Variants in TMEM126A observed in about 807,000 individuals in gnomAD.
TMEM126A encodes transmembrane protein 126A.
In TMEM126A, 10 loss-of-function variants were observed where a neutral mutation model predicts 18.3. That is an observed-to-expected ratio of 0.55 (90% CI 0.34 to 0.93). The LOEUF is 0.93. TMEM126A is among the 40% of genes least tolerant of loss of function. The pLI is 0.02. For missense variants in TMEM126A, 246 were observed against 230.2 expected, an observed-to-expected ratio of 1.07 and a Z score of -0.44; for synonymous variants, 68 against 78.1, an observed-to-expected ratio of 0.87 and a Z score of 0.68.
At position 85,650,237 on chromosome 11, in the gene TMEM126A, ATGT is replaced by A; in HGVS notation, c.-7-10_-7-8del. The A allele has an allele frequency of 6.7e-7, 1 of 1,494,842 alleles. No individual in the cohort carries two copies. Among genetic ancestry groups the A allele is most frequent in the Non-Finnish European group, 9.3e-7 (1 of 1,077,666 alleles). 92.6% of individuals were successfully genotyped at this position (1,494,842 alleles called of 1,614,324 possible). A position where few individuals can be genotyped will look rare whatever the true frequency, so the allele number is the denominator to read the frequency against. ...TAAATTCTTGAGAAATGATATCTTCATGTTTTTTAAGGCTCAAAATGGAAAATC... is the reference window on the plus strand; with the variant it reads ...TAAATTCTTGAGAAATGATATCTTCATTTTTAAGGCTCAAAATGGAAAATC... On this transcript the variant is annotated splice_polypyrimidine_tract_variant and intron_variant, in intron 1 of 4. Transcript: ENST00000304511.
At chr11:85,653,024 T>C (rs1591464399) in intron 2 of TMEM126A, among the ~76,000 whole-genome samples, 1 of 152,186 alleles carries the variant, frequency 6.6e-6, no homozygotes, top group Non-Finnish European at 1.5e-5. Flanking sequence ...CTAATTATAA[T>C]CTATGTACTC....
chr11:85,654,255 A>G lies in TMEM126A; in HGVS notation c.279A>G (p.Thr93=), dbSNP rs780975544. Residue 93 remains threonine, a splice_region_variant and synonymous_variant, in exon 3 of 5, where the codon ACA becomes ACG. Coordinates refer to ENST00000304511, the MANE Select transcript of TMEM126A (RefSeq NM_032273.4). Reference sequence around the variant, plus strand: ...GTTTTGTAAGTTTTCCTTTGAATACAGGTAAATTCTACTTCACTATCACCA... The same window carrying G: ...GTTTTGTAAGTTTTCCTTTGAATACGGGTAAATTCTACTTCACTATCACCA... ...YRCFVSFPLN[T]GDLDCETCTI... is the part of the protein sequence containing the mutation. The G allele has an allele frequency of 1.2e-6, 2 of 1,613,966 alleles. No homozygotes were observed. Among genetic ancestry groups the G allele is most frequent in the Non-Finnish European group, 1.7e-6 (2 of 1,179,946 alleles).
At chr11:85,652,094 G>A (rs1265211808) in intron 2 of TMEM126A, among the ~76,000 whole-genome samples, 2 of 152,216 alleles carry the variant, frequency 1.3e-5, no homozygotes, top group Non-Finnish European at 2.9e-5. Context: ...AACCTGGGAG[G>A]CGGATGTTGC....
At chr11:85,655,504 C>T (rs530672208) in intron 3 of TMEM126A, 90 bp from the exon 4 acceptor site, 2 of 953,478 alleles carry the variant, frequency 2.1e-6, no homozygotes, top group African/African-American at 3.2e-5. Flanking sequence ...TGAAAAATAC[C>T]TGTGATACAC....
intron 4 of TMEM126A, 113 bp from the exon 5 acceptor site, chr11:85,656,191 CCTTTA>C (rs1322836411): frequency 2.0e-5 from 18 of 907,808 alleles, no homozygotes; most frequent in Non-Finnish European, 2.4e-5. Context: ...ACACTGAAGA[CCTTTA>C]CTTTAATATT....
At chr11:85,656,267 C>G (rs753654663) in intron 4 of TMEM126A, 42 bp from the exon 5 acceptor site, 1 of 1,572,962 alleles carries the variant, frequency 6.4e-7, no homozygotes, top group Non-Finnish European at 8.7e-7. Flanking sequence ...CCATTTGATG[C>G]AACAATCTTT....
chr11:85,654,109 C>T lies in TMEM126A; in HGVS notation c.133C>T (p.Leu45Phe), dbSNP rs201578186. Residue 45 changes from leucine to phenylalanine, a missense_variant, in exon 3 of 5, where the codon CTT (leucine) becomes TTT (phenylalanine). Coordinates refer to ENST00000304511, the MANE Select transcript of TMEM126A (RefSeq NM_032273.4). ...GSVYVGLNAA[L>F]CGLIANSLFR... ...GGTTTATGTTGGATTAAATGCTGCTCTTTGTGGCCTCATAGCAAACAGTCT... is the reference window on the plus strand; with the variant it reads ...GGTTTATGTTGGATTAAATGCTGCTTTTTGTGGCCTCATAGCAAACAGTCT... The T allele has an allele frequency of 4.3e-5, 70 of 1,614,066 alleles. No individual in the cohort carries two copies. The South Asian group carries it at 7.5e-4, about 17-fold the overall frequency.
In TMEM126A at chr11:85,654,237, A is replaced by C. The variant is rs777641763; in HGVS notation, c.261A>C (p.Val87=). 1.9e-6 allele frequency: 3 copies of C among 1,614,040 alleles called. No homozygotes were observed. In the African/African-American group the frequency reaches 4.0e-5, roughly 22 times the overall value. The change falls in exon 3 of 5, where the codon GTA becomes GTC. Residue 87 remains valine, a synonymous_variant. Transcript: ENST00000304511. ...LTTDLTYRCF[V]SFPLNTGDLD... ...CAGACTTAACTTACAGATGTTTTGT[A>C]AGTTTTCCTTTGAATACAGGTAAAT... is the stretch of plus-strand genomic sequence containing the variant.
chr11:85,648,563 A>G (rs1310582473), intron 1 of TMEM126A, among the ~76,000 whole-genome samples: 4 of 152,228 alleles, frequency 2.6e-5, no homozygotes, highest in East Asian at 1.9e-4. Context: ...CTTATACTGA[A>G]TTGAGTGACT....
chr11:85,652,886 C>T (rs918926291), intron 2 of TMEM126A, among the ~76,000 whole-genome samples: 10 of 151,762 alleles, frequency 6.6e-5, no homozygotes, highest in African/African-American at 2.4e-4. Context: ...ATACATTTCA[C>T]ATGATTTTTA....
chr11:85,651,129 A>G (rs747621906), intron 2 of TMEM126A, among the ~76,000 whole-genome samples: 8 of 152,026 alleles, frequency 5.3e-5, no homozygotes, highest in Non-Finnish European at 1.2e-4. Context: ...GAACATACTA[A>G]TCTTTGCCAG....
Position 85,655,195 on chromosome 11 carries a change from C to T in TMEM126A, c.281-399C>T, listed in dbSNP as rs867731997. 5.3e-5 allele frequency among the ~76,000 whole-genome samples: 8 copies of T among 152,132 alleles called. No individual in the cohort carries two copies. In the South Asian group the frequency reaches 1.0e-3, roughly 20 times the overall value. ...CTGCTCCAAATTTGTTTAAATTTGA[C>T]GAGTATTTTGTTTTAATTCCCATGA... On this transcript the variant is annotated intron_variant, in intron 3 of 4. Transcript: ENST00000304511.
chr11:85,648,126 C>G (rs2082474654), intron 1 of TMEM126A, 37 bp downstream of exon 1: 1 of 152,360 alleles, frequency 6.6e-6, no homozygotes, highest in Non-Finnish European at 1.5e-5. Context: ...AAGTAAATGT[C>G]CCGGTGTCAG....
rs2082539693 is a variant in TMEM126A, at chr11:85,656,338, G to A, written c.425G>A (p.Gly142Glu). Reference protein sequence around the residue: ...RYQSALLPHKGNILSYWIRTS... With the variant: ...RYQSALLPHKENILSYWIRTS... ...CAATCAGCTCTGTTACCACACAAAGGGAACATCTTAAGTTACTGGATTAGA... is the reference window on the plus strand; with the variant it reads ...CAATCAGCTCTGTTACCACACAAAGAGAACATCTTAAGTTACTGGATTAGA... The change falls in exon 5 of 5, where the codon GGG (glycine) becomes GAG (glutamate). Residue 142 changes from glycine (G) to glutamate (E), a missense_variant. By Grantham distance (98) the Gly-to-Glu change is moderately conservative (BLOSUM62 -2). Coordinates refer to ENST00000304511, the MANE Select transcript of TMEM126A (RefSeq NM_032273.4). The A allele has an allele frequency of 6.2e-7, 1 of 1,611,800 alleles. No individual in the cohort carries two copies. The highest frequency in any genetic ancestry group is 1.7e-5 in the Admixed American group (1 of 59,958).
chr11:85,651,750 C>A (rs1414603318), intron 2 of TMEM126A, among the ~76,000 whole-genome samples: 1 of 152,196 alleles, frequency 6.6e-6, no homozygotes, highest in African/African-American at 2.4e-5. Context: ...CCCCTCCCCA[C>A]ACTCCAACTC....
At chr11:85,650,104 T>G in intron 1 of TMEM126A, 145 bp from the exon 2 acceptor site, 1 of 571,608 alleles carries the variant, frequency 1.7e-6, no homozygotes, top group Middle Eastern at 4.8e-4. Flanking sequence ...ATGTTCTGGT[T>G]TCTGTTTCAC....
intron 2 of TMEM126A, among the ~76,000 whole-genome samples, chr11:85,651,653 A>G (rs1443593852): frequency 1.3e-5 from 2 of 152,144 alleles, no homozygotes; most frequent in Non-Finnish European, 2.9e-5. Context: ...AATCAAGACC[A>G]GTAGTGTTCA....
At chr11:85,656,167 T>G in intron 4 of TMEM126A, 142 bp from the exon 5 acceptor site, 2 of 763,152 alleles carry the variant, frequency 2.6e-6, no homozygotes, top group Non-Finnish European at 4.2e-6. Context: ...AACAAAAGTT[T>G]TTAGGATTAA....
chr11:85,649,628 C>G (rs941004705), intron 1 of TMEM126A, among the ~76,000 whole-genome samples: 2 of 152,182 alleles, frequency 1.3e-5, no homozygotes, highest in African/African-American at 4.8e-5. Flanking sequence ...AGAATGTACA[C>G]AGAATGTAGT....
Sources: gnomAD v4.1 joint callset for allele counts (sites outside exome capture counted in the v4.1 genomes callset) on GRCh38, gnomAD v4.1.1 for gene constraint, MANE v1.5 for transcripts, NCBI Gene and HGNC (gene_info 2026-07-23, HGNC 2026-07-21) for gene names.